VMP1: variants seen among roughly 807,000 people sequenced by gnomAD.
The protein encoded by VMP1 is vacuole membrane protein 1, also known as ectopic P-granules autophagy protein 3 homolog.
VMP1 carries 11 observed loss-of-function variants against 56.0 expected under a neutral mutation model. The observed-to-expected ratio is 0.20, with a 90% CI of 0.12 to 0.32. VMP1 has a LOEUF of 0.32. Among genes scored for constraint, VMP1 ranks in the 10% least tolerant of loss-of-function variants. The pLI is 1.00. For missense variants in VMP1, 296 were observed against 490.3 expected, an observed-to-expected ratio of 0.60 and a Z score of 3.74; for synonymous variants, 149 against 165.0, an observed-to-expected ratio of 0.90 and a Z score of 0.74.
At chr17:59,750,796 T>C (rs1487890119) in intron 5 of VMP1, among the ~76,000 whole-genome samples, 1 of 152,198 alleles carries the variant, frequency 6.6e-6, no homozygotes, top group African/African-American at 2.4e-5. Context: ...TCATTTGATA[T>C]CTACCTTGAA....
intron 1 of VMP1, among the ~76,000 whole-genome samples, chr17:59,713,230 A>G (rs957648552): frequency 2.7e-5 from 4 of 150,840 alleles, no homozygotes; most frequent in African/African-American, 9.8e-5. Flanking sequence ...GAGGGGGGAC[A>G]TCACACACCG....
At chr17:59,795,856 A>T (rs2037421969) in intron 7 of VMP1, among the ~76,000 whole-genome samples, 1 of 152,240 alleles carries the variant, frequency 6.6e-6, no homozygotes, top group Admixed American at 6.5e-5. Context: ...TTCAATTTAA[A>T]CAATTTTGTC....
At chr17:59,833,507 C>CATA (rs1407237024) in intron 10 of VMP1, among the ~76,000 whole-genome samples, 9 of 152,036 alleles carry the variant, frequency 5.9e-5, no homozygotes, top group African/African-American at 2.2e-4. Flanking sequence ...TAAAAAGAAA[C>CATA]ATAATAATAA....
At chr17:59,830,443 T>G (rs986396061) in intron 10 of VMP1, among the ~76,000 whole-genome samples, 7 of 152,308 alleles carry the variant, frequency 4.6e-5, no homozygotes, top group African/African-American at 1.7e-4. Flanking sequence ...GGGATCTGAC[T>G]TATGACACCC....
intron 7 of VMP1, among the ~76,000 whole-genome samples, chr17:59,789,640 A>G (rs558524222): frequency 2.4e-4 from 37 of 152,078 alleles, no homozygotes; most frequent in Non-Finnish European, 3.8e-4. Flanking sequence ...ACCCTTTGTT[A>G]TAAGTGCTGA....
At chr17:59,820,353 A>G (rs2038397067) in intron 10 of VMP1, among the ~76,000 whole-genome samples, 1 of 152,178 alleles carries the variant, frequency 6.6e-6, no homozygotes, top group Non-Finnish European at 1.5e-5. Flanking sequence ...GTTATGGGGA[A>G]CTGTCCTGTG....
intron 7 of VMP1, among the ~76,000 whole-genome samples, chr17:59,783,247 C>T (rs1004567153): frequency 2.6e-5 from 4 of 152,212 alleles, no homozygotes; most frequent in East Asian, 1.9e-4. Context: ...TACTTAAATT[C>T]CATTCTTGAC....
chr17:59,797,515 C>T (rs2037485092), intron 7 of VMP1, among the ~76,000 whole-genome samples: 1 of 152,102 alleles, frequency 6.6e-6, no homozygotes, highest in Non-Finnish European at 1.5e-5. Context: ...GATGAATCAC[C>T]TGGACATAAT....
chr17:59,817,853 A>G, intron 10 of VMP1, 80 bp downstream of exon 10: 2 of 1,136,302 alleles, frequency 1.8e-6, no homozygotes, highest in Non-Finnish European at 2.5e-6. Context: ...GAATTGAAAT[A>G]GAATTTTTGA....
chr17:59,804,488 G>C (rs184052273), intron 7 of VMP1, among the ~76,000 whole-genome samples: 1 of 151,776 alleles, frequency 6.6e-6, no homozygotes, highest in Non-Finnish European at 1.5e-5. Flanking sequence ...TGCGGTGTGT[G>C]CCTGTAGTCC....
intron 5 of VMP1, among the ~76,000 whole-genome samples, chr17:59,745,255 TTATTGAA>T (rs1305391881): frequency 1.3e-5 from 2 of 152,232 alleles, no homozygotes; most frequent in African/African-American, 2.4e-5. Context: ...CAGCTAACAT[TTATTGAA>T]TGTTTACTAG....
intron 2 of VMP1, among the ~76,000 whole-genome samples, chr17:59,732,724 C>T (rs551986222): frequency 2.0e-5 from 3 of 152,218 alleles, no homozygotes; most frequent in Admixed American, 2.0e-4. Flanking sequence ...CTATTTTTTT[C>T]TTTCCTTTTA....
intron 1 of VMP1, among the ~76,000 whole-genome samples, chr17:59,714,840 G>C (rs1568008949): frequency 6.6e-6 from 1 of 151,958 alleles, no homozygotes; most frequent in Non-Finnish European, 1.5e-5. Context: ...CCACCACACA[G>C]GAGTAATTTT....
chr17:59,837,064 A>G (rs768220555), intron 10 of VMP1, among the ~76,000 whole-genome samples: 1 of 151,970 alleles, frequency 6.6e-6, no homozygotes, highest in Non-Finnish European at 1.5e-5. Context: ...ATAGCCAGGC[A>G]TGGTGACAAG....
intron 1 of VMP1, among the ~76,000 whole-genome samples, chr17:59,718,802 G>A (rs987744644): frequency 2.6e-5 from 4 of 151,690 alleles, no homozygotes; most frequent in East Asian, 1.9e-4. Flanking sequence ...AAAACGATAG[G>A]GTTATTACAG....
chr17:59,757,859 C>CTTTTT (rs66605258), intron 5 of VMP1, among the ~76,000 whole-genome samples: 1,197 of 91,244 alleles, frequency 0.013, 92 homozygotes, highest in East Asian at 0.061. Context: ...TTATTTGCCA[C>CTTTTT]TTTTTTTTTT....
At chr17:59,721,056 G>A (rs917412181) in intron 1 of VMP1, among the ~76,000 whole-genome samples, 4 of 146,126 alleles carry the variant, frequency 2.7e-5, no homozygotes, top group South Asian at 2.2e-4. Flanking sequence ...TATAAAAATA[G>A]GGATGGGGGC....
intron 7 of VMP1, among the ~76,000 whole-genome samples, chr17:59,802,168 C>G (rs889743807): frequency 1.3e-5 from 2 of 151,846 alleles, no homozygotes; most frequent in African/African-American, 4.8e-5. Context: ...CCACTGCACT[C>G]CAGCCTGGGC....
At chr17:59,813,251 T>C (rs117473242) in intron 9 of VMP1, among the ~76,000 whole-genome samples, 1 of 152,202 alleles carries the variant, frequency 6.6e-6, no homozygotes, top group East Asian at 1.9e-4. Flanking sequence ...GAACACAGGT[T>C]TTTTAATATT....
Sources: gnomAD v4.1 joint callset for allele counts (sites outside exome capture counted in the v4.1 genomes callset) on GRCh38, gnomAD v4.1.1 for gene constraint, MANE v1.5 for transcripts, NCBI Gene and HGNC (gene_info 2026-07-23, HGNC 2026-07-21) for gene names.